ITGB4: variants seen among roughly 807,000 people sequenced by gnomAD.
The protein encoded by ITGB4 is integrin beta-4.
In ITGB4, 159 loss-of-function variants were observed where a neutral mutation model predicts 207.6. The observed-to-expected ratio is 0.77, with a 90% CI of 0.67 to 0.87. The LOEUF is 0.87. Ranked by LOEUF, ITGB4 falls within the 40% of genes least tolerant of loss-of-function variation. The pLI, the probability that ITGB4 is intolerant of heterozygous loss-of-function variation, is 0.00. For synonymous variants in ITGB4, 1,020 were observed against 1,062.7 expected (o/e 0.96, Z 0.78); for missense variants, 2,278 against 2,546.8 (o/e 0.89, Z 2.27).
chr17:75,751,459 C>T lies in ITGB4; in HGVS notation c.3793+348C>T, dbSNP rs535991968. ...TTACCGGATTTAGCAAACAGAAATACAGGAGGTTCTGAATTTCAGATAGCA... is the reference window on the plus strand; with the variant it reads ...TTACCGGATTTAGCAAACAGAAATATAGGAGGTTCTGAATTTCAGATAGCA... On this transcript the variant is annotated intron_variant, in intron 30 of 39. Transcript: ENST00000200181. 3.9e-4 allele frequency: 141 copies of T among 361,416 alleles called. 2 individuals carry two copies. Among genetic ancestry groups the T allele is most frequent in the South Asian group, 3.8e-3 (139 of 36,750 alleles). The allele number at this position is 361,416 out of a possible 1,614,324, so 22.4% of individuals were successfully genotyped here.
Position 75,752,174 on chromosome 17 carries a change from G to T in ITGB4, c.3794G>T (p.Arg1265Leu), listed in dbSNP as rs1410224882. ...CTCTGAAGCACTCTCTCTGCCCCAG[G>T]ACCTATTGGGCCCATGAAGAAAGTG... ...VCYGLVNDDN[R>L]PIGPMKKVLV... The change falls in exon 31 of 40, where the codon CGA becomes CTA. Residue 1265 changes from arginine to leucine, a missense_variant and splice_region_variant. Transcript: ENST00000200181. The T allele has an allele frequency of 6.2e-7, 1 of 1,613,838 alleles. No homozygotes were observed. The highest frequency in any genetic ancestry group is 1.3e-5 in the African/African-American group (1 of 74,934).
rs773304165 is a variant in ITGB4, at chr17:75,740,748, C to T, written c.2551-45C>T. ...GGGTCCCCAGCCTGAGGGCTTGCCA[C>T]GGGGTGGCCTAGGCCCAGCCTCACG... On this transcript the variant is annotated intron_variant, in intron 21 of 39. Transcript: ENST00000200181. This position sits in a 1 kb window ranked among gnomAD's most constrained non-coding sequence, Gnocchi z 5.9. 4.9e-5 allele frequency: 79 copies of T among 1,604,768 alleles called. 1 individual carries two copies. The highest frequency in any genetic ancestry group is 1.8e-4 in the Admixed American group (11 of 59,996).
intron 26 of ITGB4, among the ~76,000 whole-genome samples, chr17:75,748,618 C>G (rs1346235354): frequency 1.3e-5 from 2 of 148,636 alleles, no homozygotes; most frequent in Non-Finnish European, 3.0e-5. Flanking sequence ...TGCAGTAAGC[C>G]GAGATCATGC....
At position 75,750,562 on chromosome 17, in the gene ITGB4, C is replaced by A; in HGVS notation, c.3475-118C>A. On this transcript the variant is annotated intron_variant, in intron 28 of 39. Transcript: ENST00000200181. The surrounding 1 kb of genome is among the most constrained non-coding windows in gnomAD (Gnocchi z 5.5). ...CGTGTGCACATGGCAGATCTCTCAG[C>A]CCCTCCCTCGGGCCTCATCTGTGCA... The A allele has an allele frequency of 1.1e-6, 1 of 950,146 alleles. No homozygotes were observed. The highest frequency in any genetic ancestry group is 1.6e-6 in the Non-Finnish European group (1 of 610,086). The allele number at this position is 950,146 out of a possible 1,614,324, so 58.9% of individuals were successfully genotyped here.
At chr17:75,754,039 G>C (rs1474985754) in intron 33 of ITGB4, 65 bp downstream of exon 33, 1 of 763,328 alleles carries the variant, frequency 1.3e-6, no homozygotes, top group Non-Finnish European at 1.8e-6. Flanking sequence ...CTGAGGGCCT[G>C]GGGTGGGCGT....
chr17:75,742,744 C>T lies in ITGB4; in HGVS notation c.2945C>T (p.Thr982Ile), dbSNP rs2061142904. The T allele has an allele frequency of 6.2e-7, 1 of 1,610,840 alleles. No homozygotes were observed. Among genetic ancestry groups the T allele is most frequent in the Non-Finnish European group, 8.5e-7 (1 of 1,180,000 alleles). Residue 982 changes from threonine (T) to isoleucine (I), a missense_variant, in exon 25 of 40, where the codon ACC becomes ATC. Coordinates refer to ENST00000200181, the MANE Select transcript of ITGB4 (RefSeq NM_000213.5). The surrounding 1 kb of genome is among the most constrained non-coding windows in gnomAD (Gnocchi z 5.9). ...CTCGGCCGCCGCCTGGTAAACATCA[C>T]CATCATCAAGGAGCAAGGTGGGTCT... The part of the protein sequence containing the change: ...ATLGRRLVNI[T>I]IIKEQARDVV...
Position 75,756,965 on chromosome 17 carries a change from G to C in ITGB4, c.5076G>C (p.Val1692=). The change falls in exon 38 of 40, where the codon GTG becomes GTC. Residue 1692 remains valine (V), a synonymous_variant. Coordinates refer to ENST00000200181, the MANE Select transcript of ITGB4 (RefSeq NM_000213.5). ...QGGGPATAFR[V]DGDSPESRLT... ...CAGGGCCAGCCACCGCATTCCGGGTGGATGGAGACAGCCCCGAGAGCCGGC... is the reference window on the plus strand; with the variant it reads ...CAGGGCCAGCCACCGCATTCCGGGTCGATGGAGACAGCCCCGAGAGCCGGC... The C allele has an allele frequency of 3.1e-6, 5 of 1,612,770 alleles. No individual in the cohort carries two copies. The highest frequency in any genetic ancestry group is 4.2e-6 in the Non-Finnish European group (5 of 1,179,956).
chr17:75,726,728 C>G (rs2060724276), intron 2 of ITGB4, among the ~76,000 whole-genome samples: 1 of 146,944 alleles, frequency 6.8e-6, no homozygotes, highest in Non-Finnish European at 1.5e-5. Context: ...CAAGACTCGT[C>G]TGAAAAATAA....
intron 26 of ITGB4, among the ~76,000 whole-genome samples, chr17:75,746,648 G>A (rs1311718433): frequency 1.3e-5 from 2 of 148,304 alleles, no homozygotes; most frequent in Non-Finnish European, 3.0e-5. Context: ...CTTGTATAAA[G>A]ATGCTTTGAG....
chr17:75,741,662 C>G (rs2061113114), intron 23 of ITGB4, among the ~76,000 whole-genome samples: 1 of 151,942 alleles, frequency 6.6e-6, no homozygotes, highest in African/African-American at 2.4e-5. Context: ...AAAAATTAGC[C>G]AGGTGTGTTG....
In ITGB4 at chr17:75,731,758, G is replaced by A. The variant is rs2060863801; in HGVS notation, c.1216-54G>A. Reference sequence around the variant, plus strand: ...GGCCGAGGGCCTTCAGGCATCGATGGCCCCCTGGTCCTTGGGGCTGGGCCT... The same window carrying A: ...GGCCGAGGGCCTTCAGGCATCGATGACCCCCTGGTCCTTGGGGCTGGGCCT... On this transcript the variant is annotated intron_variant, in intron 10 of 39. Transcript: ENST00000200181. This position sits in a 1 kb window ranked among gnomAD's most constrained non-coding sequence, Gnocchi z 6.8. 2.0e-6 allele frequency: 3 copies of A among 1,515,210 alleles called. No individual in the cohort carries two copies. Among genetic ancestry groups the A allele is most frequent in the Middle Eastern group, 1.9e-4 (1 of 5,328 alleles). The allele number at this position is 1,515,210 out of a possible 1,614,324, so 93.9% of individuals were successfully genotyped here. A position where few individuals can be genotyped will look rare whatever the true frequency, so the allele number is the denominator to read the frequency against.
At chr17:75,748,807 C>A in intron 26 of ITGB4, 34 bp from the exon 27 acceptor site, 2 of 1,538,688 alleles carry the variant, frequency 1.3e-6, no homozygotes, top group Non-Finnish European at 1.8e-6. Flanking sequence ...CAGCCCCCAG[C>A]CATGACCCTG....
At chr17:75,736,419 G>A (rs1222625278) in intron 15 of ITGB4, 33 bp downstream of exon 15, 1 of 1,611,844 alleles carries the variant, frequency 6.2e-7, no homozygotes, top group Admixed American at 1.7e-5. Flanking sequence ...GTGGGCGTGG[G>A]AACAGGGCAG....
rs1300514024 is a variant in ITGB4 at position 75,736,319 on chromosome 17, G to T, written c.1793G>T (p.Cys598Phe). 1 of 1,613,834 alleles carries T rather than the reference G, an allele frequency of 6.2e-7. No homozygotes were observed. The highest frequency in any genetic ancestry group is 8.5e-7 in the Non-Finnish European group (1 of 1,180,048). Residue 598 changes from cysteine to phenylalanine, a missense_variant, in exon 15 of 40, where the codon TGT becomes TTT. By Grantham distance (205) the Cys-to-Phe change is radical. Transcript: ENST00000200181. ...GICNGRGHCECGRCHCHQQSL... is the reference protein window; with the variant it reads ...GICNGRGHCEFGRCHCHQQSL... ...TGTAATGGACGTGGCCACTGTGAGTGTGGCCGCTGCCACTGCCACCAGCAG... is the reference window on the plus strand; with the variant it reads ...TGTAATGGACGTGGCCACTGTGAGTTTGGCCGCTGCCACTGCCACCAGCAG...
intron 7 of ITGB4, 53 bp from the exon 8 acceptor site, chr17:75,730,188 G>T: frequency 6.2e-7 from 1 of 1,608,758 alleles, no homozygotes; most frequent in Middle Eastern, 2.0e-4. Context: ...ACGCCGTGAT[G>T]CGTGTCAGCA....
chr17:75,743,042 G>A (rs1375505549), intron 25 of ITGB4, among the ~76,000 whole-genome samples: 2 of 152,048 alleles, frequency 1.3e-5, no homozygotes, highest in Non-Finnish European at 2.9e-5. Flanking sequence ...TCTAGAAAAA[G>A]GGTTGGCCAA....
At position 75,756,982 on chromosome 17, in the gene ITGB4, A is replaced by G; in HGVS notation, c.5093A>G (p.Glu1698Gly). 1.2e-6 allele frequency: 2 copies of G among 1,612,808 alleles called. No individual in the cohort carries two copies. The highest frequency in any genetic ancestry group is 1.7e-6 in the Non-Finnish European group (2 of 1,179,960). Reference protein sequence around the residue: ...TAFRVDGDSPESRLTVPGLSE... With the variant: ...TAFRVDGDSPGSRLTVPGLSE... ...TTCCGGGTGGATGGAGACAGCCCCG[A>G]GAGCCGGCTGACCGTGCCGGGCCTC... The change falls in exon 38 of 40, where the codon GAG becomes GGG. Residue 1698 changes from glutamate to glycine, a missense_variant. Glu to Gly is a moderately conservative substitution (Grantham distance 98). Transcript: ENST00000200181.
rs55981241 is a variant in ITGB4 at position 75,722,757 on chromosome 17, CTGTG to C, written c.-11+1177_-11+1180del. ...GAGCCTGTGGGTGGGTGGGCATGGC[CTGTG>C]TGTGTGTGTGTGTGTGTGTGTGTGT... On this transcript the variant is annotated intron_variant, in intron 1 of 39. Coordinates refer to ENST00000200181, the MANE Select transcript of ITGB4 (RefSeq NM_000213.5). This position sits in a 1 kb window ranked among gnomAD's most constrained non-coding sequence, Gnocchi z 6.2. Among the ~76,000 whole-genome samples, 731 of 135,152 alleles carry C rather than the reference CTGTG, an allele frequency of 5.4e-3. 5 individuals carry two copies. The highest frequency in any genetic ancestry group is 0.019 in the African/African-American group (674 of 35,898). The allele number at this position is 135,152 out of a possible 152,430, so 88.7% of individuals were successfully genotyped here.
rs750898335 is a variant in ITGB4 at position 75,730,437 on chromosome 17, G to A, written c.935G>A (p.Arg312His). The A allele has an allele frequency of 4.0e-5, 65 of 1,614,054 alleles. No individual in the cohort carries two copies. The South Asian group carries it at 4.5e-4, about 11-fold the overall frequency. ...QDYPSVPTLV[R>H]LLAKHNIIPI... Reference sequence around the variant, plus strand: ...TACCCGTCGGTGCCCACCCTGGTGCGCCTGCTCGCCAAGCACAACATCATC... The same window carrying A: ...TACCCGTCGGTGCCCACCCTGGTGCACCTGCTCGCCAAGCACAACATCATC... The change falls in exon 8 of 40, where the codon CGC (arginine) becomes CAC (histidine). Residue 312 changes from arginine (R) to histidine (H), a missense_variant. Physicochemically the swap from Arg to His is conservative, Grantham distance 29. Coordinates refer to ENST00000200181, the MANE Select transcript of ITGB4 (RefSeq NM_000213.5).
Sources: allele counts gnomAD v4.1 joint callset (sites outside exome capture counted in the v4.1 genomes callset), GRCh38; gene constraint gnomAD v4.1.1; non-coding constraint Gnocchi (gnomAD v3.1); transcripts MANE v1.5; gene names NCBI Gene and HGNC (gene_info 2026-07-23, HGNC 2026-07-21).